PHF5A: variants seen among roughly 807,000 people sequenced by gnomAD.
The protein encoded by PHF5A is PHD finger protein 5A.
For synonymous variants in PHF5A, 52 were observed against 46.0 expected (o/e 1.13, Z -0.52); for missense variants, 24 against 140.6 (o/e 0.17, Z 4.19).
At chr22:41,462,874 G>T (rs1044152617) in intron 3 of PHF5A, among the ~76,000 whole-genome samples, 5 of 150,906 alleles carry the variant, frequency 3.3e-5, no homozygotes, top group Admixed American at 2.6e-4. Context: ...TTACGGGTTA[G>T]CTTTTTTTTT....
At chr22:41,467,260 T>C (rs981116583) in intron 3 of PHF5A, among the ~76,000 whole-genome samples, 188 bp downstream of exon 3, 12 of 152,114 alleles carry the variant, frequency 7.9e-5, no homozygotes, top group Admixed American at 4.6e-4. Context: ...CCTTGCATTC[T>C]TCCCCTTGAT....
chr22:41,461,339 T>C (rs1042377841), intron 3 of PHF5A, among the ~76,000 whole-genome samples: 3 of 152,034 alleles, frequency 2.0e-5, no homozygotes, highest in African/African-American at 7.2e-5. Flanking sequence ...TGTAGAATGC[T>C]GGATTCTCAG....
chr22:41,461,687 GGA>G (rs1456163561), intron 3 of PHF5A, among the ~76,000 whole-genome samples: 1 of 150,996 alleles, frequency 6.6e-6, no homozygotes, highest in Non-Finnish European at 1.5e-5. Flanking sequence ...TTTTTGAGAC[GGA>G]GTCTTGCTCT....
intron 2 of PHF5A, 129 bp from the exon 3 acceptor site, chr22:41,467,743 TCTTGGCATCACAAAA>T: frequency 1.8e-6 from 2 of 1,119,196 alleles, no homozygotes; most frequent in Non-Finnish European, 2.5e-6. Context: ...AGGGCCCTCC[TCTTGGCATCACAAAA>T]CTTGGTTTCC....
At chr22:41,467,713 C>G (rs1030117665) in intron 2 of PHF5A, 99 bp from the exon 3 acceptor site, 6 of 1,292,586 alleles carry the variant, frequency 4.6e-6, no homozygotes, top group Non-Finnish European at 4.3e-6. Flanking sequence ...ATACACTAGT[C>G]TCCTTTTGAC....
At chr22:41,465,662 G>A (rs575900917) in intron 3 of PHF5A, among the ~76,000 whole-genome samples, 2 of 152,130 alleles carry the variant, frequency 1.3e-5, no homozygotes, top group East Asian at 3.9e-4. Flanking sequence ...TGGGTGGATC[G>A]CAAGGTCAGG....
At chr22:41,466,569 G>A (rs940386163) in intron 3 of PHF5A, among the ~76,000 whole-genome samples, 11 of 152,178 alleles carry the variant, frequency 7.2e-5, no homozygotes, top group African/African-American at 2.4e-4. Context: ...TGTCACCCAG[G>A]CTGGAGTGCA....
chr22:41,468,294 C>T, intron 1 of PHF5A, 147 bp from the exon 2 acceptor site: 3 of 760,436 alleles, frequency 3.9e-6, no homozygotes, highest in South Asian at 1.7e-5. Context: ...TACAAATTTC[C>T]ATATGAACCA....
At chr22:41,463,184 AGCTTT>A (rs1313597734) in intron 3 of PHF5A, among the ~76,000 whole-genome samples, 1 of 151,990 alleles carries the variant, frequency 6.6e-6, no homozygotes, top group African/African-American at 2.4e-5. Flanking sequence ...CTTACAGCTT[AGCTTT>A]AAGATGGTAG....
intron 3 of PHF5A, among the ~76,000 whole-genome samples, chr22:41,461,941 G>A (rs901193748): frequency 6.6e-5 from 10 of 152,198 alleles, no homozygotes; most frequent in Admixed American, 2.0e-4. Context: ...GATTTCAGGC[G>A]TGAGCCACCG....
rs1349007807 is a variant in PHF5A, at chr22:41,467,873, G to GTTT, written c.76+250_76+251insAAA. 1.2e-5 allele frequency: 7 copies of GTTT among 606,476 alleles called. No individual in the cohort carries two copies. In the Admixed American group the frequency reaches 1.5e-4, roughly 13 times the overall value. The allele number at this position is 606,476 out of a possible 1,614,324, so 37.6% of individuals were successfully genotyped here. ...GAGATGATAAGCCTGTATAATTGCT[G>GTTT]GCAAAGTGCTGTGTGTTGGGGAGGG... is the stretch of plus-strand genomic sequence containing the variant. On this transcript the variant is annotated intron_variant, in intron 2 of 3. Coordinates refer to ENST00000216252, the MANE Select transcript of PHF5A (RefSeq NM_032758.4).
At chr22:41,466,907 G>C (rs1041907409) in intron 3 of PHF5A, among the ~76,000 whole-genome samples, 1 of 151,938 alleles carries the variant, frequency 6.6e-6, no homozygotes, top group Non-Finnish European at 1.5e-5. Context: ...GATCGTTTGA[G>C]CCCAGGGGGT....
At chr22:41,463,598 G>A (rs1019529074) in intron 3 of PHF5A, among the ~76,000 whole-genome samples, 3 of 109,914 alleles carry the variant, frequency 2.7e-5, no homozygotes, top group Non-Finnish European at 3.9e-5. Flanking sequence ...GGTGGTGCAC[G>A]CCTGTAATCC....
rs764564939 is a variant in PHF5A, at chr22:41,468,667, G to A, written c.-14C>T. The stretch of plus-strand genomic sequence containing the variant: ...ATGTTTAGCCATAGCTCCTAACTAA[G>A]CCGGCCACCGGAAGCTTCGGGAACT... On this transcript the variant is annotated 5_prime_UTR_variant, in exon 1 of 4. Coordinates refer to ENST00000216252, the MANE Select transcript of PHF5A (RefSeq NM_032758.4). The A allele has an allele frequency of 3.1e-6, 5 of 1,613,976 alleles. No homozygotes were observed. Among genetic ancestry groups the A allele is most frequent in the Non-Finnish European group, 4.2e-6 (5 of 1,179,892 alleles).
rs532686270 is a variant in PHF5A, at chr22:41,468,051, T to A, written c.76+73A>T. 8.4e-5 allele frequency: 128 copies of A among 1,531,100 alleles called. No individual in the cohort carries two copies. The East Asian group carries it at 2.8e-3, about 34-fold the overall frequency. 94.8% of individuals were successfully genotyped at this position (1,531,100 alleles called of 1,614,324 possible). ...GCACATCTACTCAAAGCCCTCTTTG[T>A]GGCACTTTTGCTGGTTCCACAGAAA... On this transcript the variant is annotated intron_variant, in intron 2 of 3. Transcript: ENST00000216252.
At chr22:41,465,926 A>G (rs1415527260) in intron 3 of PHF5A, among the ~76,000 whole-genome samples, 1 of 152,200 alleles carries the variant, frequency 6.6e-6, no homozygotes, top group African/African-American at 2.4e-5. Flanking sequence ...AACATAGTGA[A>G]ATAAGGACAC....
At position 41,468,636 on chromosome 22, in the gene PHF5A, A is replaced by C. The variant is rs1264535134; in HGVS notation, c.18T>G (p.Pro6=). The C allele has an allele frequency of 1.2e-6, 2 of 1,614,144 alleles. No individual in the cohort carries two copies. The highest frequency in any genetic ancestry group is 2.2e-5 in the South Asian group (2 of 91,084). MAKHH[P]DLIFCRKQAG... ...CCTGCTTGCGGCAAAAGATCAAATC[A>C]GGATGATGTTTAGCCATAGCTCCTA... The change falls in exon 1 of 4, where the codon CCT becomes CCG. Residue 6 remains proline (P), a synonymous_variant. Transcript: ENST00000216252.
At position 41,468,196 on chromosome 22, in the gene PHF5A, G is replaced by A. The variant is rs764939173; in HGVS notation, c.53-49C>T. 11 of 1,603,440 alleles carry A rather than the reference G, an allele frequency of 6.9e-6. No homozygotes were observed. In the Admixed American group the frequency reaches 1.0e-4, roughly 15 times the overall value. On this transcript the variant is annotated intron_variant, in intron 1 of 3. Transcript: ENST00000216252. The stretch of plus-strand genomic sequence containing the variant: ...AGTACAATTAGAATAAAGGTTTTGA[G>A]AAAGAGGAGAAGTACATCCTCGAGC...
intron 3 of PHF5A, among the ~76,000 whole-genome samples, chr22:41,463,889 C>A (rs561704655): frequency 6.6e-6 from 1 of 151,428 alleles, no homozygotes; most frequent in African/African-American, 2.4e-5. Context: ...AAAGAAACTG[C>A]GTCTCAAAAA....
Sources: gnomAD v4.1 joint callset for allele counts (sites outside exome capture counted in the v4.1 genomes callset) on GRCh38, gnomAD v4.1.1 for gene constraint, MANE v1.5 for transcripts, NCBI Gene and HGNC (gene_info 2026-07-23, HGNC 2026-07-21) for gene names.